Variants in MED10 observed in about 807,000 individuals in gnomAD.
MED10 encodes the protein mediator of RNA polymerase II transcription subunit 10.
In MED10, 9 loss-of-function variants were observed where a neutral mutation model predicts 17.2. The observed-to-expected ratio is 0.52, with a 90% confidence interval of 0.31 to 0.91. The LOEUF (loss-of-function observed/expected upper bound fraction) is 0.91, where lower values mean the gene tolerates loss of function less well. MED10 is among the 40% of genes least tolerant of loss of function. The pLI is 0.04. For missense variants in MED10, 129 were observed against 164.8 expected, an observed-to-expected ratio of 0.78 and a Z score of 1.19; for synonymous variants, 66 against 59.8, an observed-to-expected ratio of 1.10 and a Z score of -0.48.
chr5:6,377,363 C>A, intron 1 of MED10, 114 bp from the exon 2 acceptor site: 4 of 635,582 alleles, frequency 6.3e-6, no homozygotes, highest in Non-Finnish European at 8.2e-6. Flanking sequence ...CTCCTCACAG[C>A]TATGCGGGTT....
At chr5:6,376,202 C>G (rs180801804) in intron 2 of MED10, among the ~76,000 whole-genome samples, 2 of 152,202 alleles carry the variant, frequency 1.3e-5, no homozygotes, top group African/African-American at 4.8e-5. Context: ...AAAACCACCT[C>G]TGTGTCCTGT....
intron 2 of MED10, among the ~76,000 whole-genome samples, chr5:6,375,898 C>T (rs1453096449): frequency 6.6e-6 from 1 of 152,218 alleles, no homozygotes; most frequent in Non-Finnish European, 1.5e-5. Flanking sequence ...CCCAGCACTT[C>T]CCTCGGCCCT....
At chr5:6,375,833 G>C (rs1448850222) in intron 2 of MED10, among the ~76,000 whole-genome samples, 1 of 152,192 alleles carries the variant, frequency 6.6e-6, no homozygotes, top group Admixed American at 6.5e-5. Flanking sequence ...CTCTGTATTA[G>C]GGCTCACTGG....
chr5:6,374,454 A>T (rs747907447), intron 2 of MED10, 28 bp from the exon 3 acceptor site: 3 of 1,477,380 alleles, frequency 2.0e-6, no homozygotes, highest in Non-Finnish European at 2.8e-6. Flanking sequence ...TTCAATTAGC[A>T]TTCTCATGAC....
rs750887675 is a variant in MED10, at chr5:6,377,157, G to A, written c.206+9C>T. ...TATACCCAAGACTAATATCAAGAAT[G>A]TTACTTACTCAAAAACTTCTAACGG... On this transcript the variant is annotated intron_variant, in intron 2 of 3. Coordinates refer to ENST00000255764, the MANE Select transcript of MED10 (RefSeq NM_032286.3). 7 of 1,577,956 alleles carry A rather than the reference G, an allele frequency of 4.4e-6. No homozygotes were observed. Among genetic ancestry groups the A allele is most frequent in the Non-Finnish European group, 1.7e-6 (2 of 1,151,344 alleles).
At chr5:6,376,481 T>C (rs1737991876) in intron 2 of MED10, among the ~76,000 whole-genome samples, 1 of 152,212 alleles carries the variant, frequency 6.6e-6, no homozygotes, top group Admixed American at 6.5e-5. Flanking sequence ...CAGTTACTTA[T>C]CAGGTCCTTC....
intron 2 of MED10, 187 bp downstream of exon 2, chr5:6,376,979 C>T (rs528980152): frequency 5.2e-5 from 22 of 422,026 alleles, no homozygotes; most frequent in African/African-American, 2.8e-4. Flanking sequence ...GCCATTAGAA[C>T]GGAAGTTCCA....
chr5:6,372,482 C>T lies in MED10; in HGVS notation c.*21G>A, dbSNP rs1432325463. 6.2e-7 allele frequency: 1 copy of T among 1,605,464 alleles called. No homozygotes were observed. The highest frequency in any genetic ancestry group is 1.3e-5 in the African/African-American group (1 of 74,792). On this transcript the variant is annotated 3_prime_UTR_variant, in exon 4 of 4. Transcript: ENST00000255764. ...CCGCATCGCAGTCCCAGGGGATCTT[C>T]ACACAGGGAGGGTGAGCTGGTTAAG...
In MED10 at chr5:6,377,180, C is replaced by T. The variant is rs17831958; in HGVS notation, c.192G>A (p.Pro64=). ...CRQQLHDITV[P]LEVFEYIDQG... ...ATGTTACTTACTCAAAAACTTCTAACGGTACAGTAATATCATGAAGCTGCT... is the reference window on the plus strand; with the variant it reads ...ATGTTACTTACTCAAAAACTTCTAATGGTACAGTAATATCATGAAGCTGCT... Residue 64 remains proline (P), a synonymous_variant, in exon 2 of 4, where the codon CCG becomes CCA. Transcript: ENST00000255764. The T allele has an allele frequency of 0.086, 138,499 of 1,604,134 alleles. 6,797 individuals are homozygous for T. The highest frequency in any genetic ancestry group is 0.099 in the Non-Finnish European group (116,595 of 1,173,512).
intron 2 of MED10, 169 bp from the exon 3 acceptor site, chr5:6,374,595 A>G (rs1737955251): frequency 3.5e-6 from 2 of 571,814 alleles, no homozygotes; most frequent in Admixed American, 5.8e-5. Context: ...CATTTACACA[A>G]GTACAGATCA....
intron 1 of MED10, 40 bp from the exon 2 acceptor site, chr5:6,377,289 G>A (rs554174096): frequency 4.7e-6 from 7 of 1,502,812 alleles, no homozygotes; most frequent in Admixed American, 1.7e-5. Context: ...GGTTAATTTC[G>A]CTTGACAGCA....
intron 2 of MED10, among the ~76,000 whole-genome samples, chr5:6,376,537 G>A (rs1737993112): frequency 6.6e-6 from 1 of 152,196 alleles, no homozygotes; most frequent in African/African-American, 2.4e-5. Flanking sequence ...AGAAAACCTG[G>A]ATTTTAAAAA....
At chr5:6,377,395 G>A (rs1738018875) in intron 1 of MED10, 146 bp from the exon 2 acceptor site, 1 of 449,232 alleles carries the variant, frequency 2.2e-6, no homozygotes, top group Admixed American at 4.2e-5. Flanking sequence ...TGACCTCTTT[G>A]GTTAGCTACA....
chr5:6,375,276 T>C (rs185225322), intron 2 of MED10, among the ~76,000 whole-genome samples: 14 of 152,326 alleles, frequency 9.2e-5, no homozygotes, highest in African/African-American at 3.1e-4. Context: ...ACTGAATCAT[T>C]CATTATTTAA....
rs765961257 is a variant in MED10, at chr5:6,374,372, C to G, written c.261G>C (p.Arg87Ser). The G allele has an allele frequency of 6.2e-7, 1 of 1,614,074 alleles. No individual in the cohort carries two copies. The highest frequency in any genetic ancestry group is 2.2e-5 in the East Asian group (1 of 44,870). The stretch of plus-strand genomic sequence containing the variant: ...TAACTTGCTCATTTTTAGCTAGAGC[C>G]CTCTCCAGGCACTCTTTGGTGTAGA... ...PQLYTKECLERALAKNEQVKG... is the reference protein window; with the variant it reads ...PQLYTKECLESALAKNEQVKG... Residue 87 changes from arginine to serine, a missense_variant, in exon 3 of 4, where the codon AGG becomes AGC. Transcript: ENST00000255764.
intron 1 of MED10, among the ~76,000 whole-genome samples, chr5:6,377,659 A>G (rs1200349473): frequency 6.6e-6 from 1 of 152,180 alleles, no homozygotes; most frequent in Non-Finnish European, 1.5e-5. Context: ...TCCTCTCTGG[A>G]GCCTTCCTAC....
At chr5:6,374,205 T>C in intron 3 of MED10, 119 bp downstream of exon 3, 1 of 688,280 alleles carries the variant, frequency 1.5e-6, no homozygotes, top group Admixed American at 2.2e-5. Context: ...GAAATCTCAA[T>C]ATGTGAAGTT....
chr5:6,372,629 G>A (rs749894658), intron 3 of MED10, 28 bp from the exon 4 acceptor site: 41 of 1,550,276 alleles, frequency 2.6e-5, no homozygotes, highest in Non-Finnish European at 3.7e-5. Flanking sequence ...TATCAAAGGA[G>A]CTCTTCACAT....
At position 6,377,204 on chromosome 5, in the gene MED10, C is replaced by T; in HGVS notation, c.168G>A (p.Gln56=). Residue 56 remains glutamine, a synonymous_variant, in exon 2 of 4, where the codon CAG becomes CAA. Coordinates refer to ENST00000255764, the MANE Select transcript of MED10 (RefSeq NM_032286.3). ...TGLQDIDKCR[Q]QLHDITVPLE... is the part of the protein sequence containing the mutation. ...ACGGTACAGTAATATCATGAAGCTG[C>T]TGTCTGCACTTGTCAATATCCTGTA... The T allele has an allele frequency of 1.2e-6, 2 of 1,609,988 alleles. No individual in the cohort carries two copies. The highest frequency in any genetic ancestry group is 1.7e-6 in the Non-Finnish European group (2 of 1,178,026).
Sources: allele counts gnomAD v4.1 joint callset (sites outside exome capture counted in the v4.1 genomes callset), GRCh38; gene constraint gnomAD v4.1.1; transcripts MANE v1.5; gene names NCBI Gene and HGNC (gene_info 2026-07-23, HGNC 2026-07-21).